Variants in ZNF804B observed in about 807,000 individuals in gnomAD.
ZNF804B encodes the protein zinc finger 804B.
Under a neutral mutation model 101.4 loss-of-function variants are expected in ZNF804B, and 80 were observed. That is an observed-to-expected ratio of 0.79 (90% CI 0.66 to 0.95). The LOEUF (loss-of-function observed/expected upper bound fraction) is 0.95. ZNF804B is among the 40% of genes least tolerant of loss of function. ZNF804B has a pLI of 0.00. For synonymous variants in ZNF804B, 622 were observed against 558.8 expected (o/e 1.11, Z -1.59); for missense variants, 1,673 against 1,561.9 (o/e 1.07, Z -1.20).
intron 1 of ZNF804B, among the ~76,000 whole-genome samples, chr7:89,143,169 G>T (rs181538129): frequency 6.6e-6 from 1 of 151,994 alleles, no homozygotes; most frequent in African/African-American, 2.4e-5. Flanking sequence ...CCAAGTTGGA[G>T]GGTGGGGGGG....
chr7:88,984,668 T>G (rs893653150), intron 1 of ZNF804B, among the ~76,000 whole-genome samples: 4 of 152,068 alleles, frequency 2.6e-5, no homozygotes, highest in Non-Finnish European at 4.4e-5. Context: ...ACATTCCAAG[T>G]TAGCTCTCCA....
At chr7:89,186,958 CT>C (rs1562909072) in intron 1 of ZNF804B, among the ~76,000 whole-genome samples, 1 of 152,144 alleles carries the variant, frequency 6.6e-6, no homozygotes. Context: ...AGGCAAACCA[CT>C]TTTCTAGCCC....
intron 1 of ZNF804B, among the ~76,000 whole-genome samples, chr7:88,853,957 A>C (rs1382200284): frequency 6.6e-6 from 1 of 152,170 alleles, no homozygotes; most frequent in Non-Finnish European, 1.5e-5. Context: ...AATTAGATTT[A>C]GCACATTGTT....
chr7:89,277,131 A>G (rs1271455712), intron 2 of ZNF804B, among the ~76,000 whole-genome samples: 2 of 148,342 alleles, frequency 1.3e-5, no homozygotes, highest in Admixed American at 6.7e-5. Context: ...ATACAAAAAT[A>G]TAAAATATAT....
intron 2 of ZNF804B, among the ~76,000 whole-genome samples, chr7:89,316,722 T>G (rs1259678702): frequency 6.6e-6 from 1 of 152,166 alleles, no homozygotes; most frequent in Non-Finnish European, 1.5e-5. Context: ...GATGGACTAG[T>G]TGAGAAGAAA....
chr7:89,312,966 T>C (rs1299390539), intron 2 of ZNF804B, among the ~76,000 whole-genome samples: 1 of 152,230 alleles, frequency 6.6e-6, no homozygotes, highest in African/African-American at 2.4e-5. Flanking sequence ...AATTACAACT[T>C]ATCCTGTTCT....
chr7:88,936,197 G>A (rs532577398), intron 1 of ZNF804B, among the ~76,000 whole-genome samples: 2 of 151,714 alleles, frequency 1.3e-5, no homozygotes, highest in Admixed American at 1.3e-4. Context: ...AAAGTTAAAA[G>A]CAATGATGTT....
intron 1 of ZNF804B, among the ~76,000 whole-genome samples, chr7:89,040,428 T>C (rs997046896): frequency 1.3e-4 from 20 of 152,270 alleles, no homozygotes; most frequent in African/African-American, 3.4e-4. Context: ...GTTTAATTAT[T>C]GTGTTATTCA....
At chr7:88,857,275 C>A (rs1435902005) in intron 1 of ZNF804B, among the ~76,000 whole-genome samples, 3 of 151,990 alleles carry the variant, frequency 2.0e-5, no homozygotes, top group African/African-American at 4.8e-5. Context: ...GCAGAACTGA[C>A]AGAAATAGAG....
At chr7:88,874,828 C>G (rs925562601) in intron 1 of ZNF804B, among the ~76,000 whole-genome samples, 1 of 151,092 alleles carries the variant, frequency 6.6e-6, no homozygotes, top group Non-Finnish European at 1.5e-5. Context: ...ATCTACAGAA[C>G]TCCCCACCCC....
Position 89,335,391 on chromosome 7 carries a change from C to T in ZNF804B, c.2409C>T (p.His803=), listed in dbSNP as rs751152942. The change falls in exon 4 of 4, where the codon CAC becomes CAT. Residue 803 remains histidine (H), a synonymous_variant. Coordinates refer to ENST00000333190, the MANE Select transcript of ZNF804B (RefSeq NM_181646.5). ...NEKYSKRRYC[H]CRERQKLGKN... ...AATACTCAAAACGTAGATATTGTCA[C>T]TGCAGAGAAAGACAAAAACTGGGCA... 2 of 1,613,762 alleles carry T rather than the reference C, an allele frequency of 1.2e-6. No individual in the cohort carries two copies. Among genetic ancestry groups the T allele is most frequent in the South Asian group, 1.1e-5 (1 of 91,078 alleles).
intron 1 of ZNF804B, among the ~76,000 whole-genome samples, chr7:89,155,060 T>G (rs1790936833): frequency 6.6e-6 from 1 of 152,150 alleles, no homozygotes. Flanking sequence ...TTAAAAAATA[T>G]TCTATTTAAA....
chr7:88,973,614 C>A (rs1254686822), intron 1 of ZNF804B, among the ~76,000 whole-genome samples: 2 of 150,866 alleles, frequency 1.3e-5, no homozygotes, highest in Admixed American at 6.6e-5. Context: ...ATGCCATTAG[C>A]AAGAGATTGA....
intron 1 of ZNF804B, among the ~76,000 whole-genome samples, chr7:88,918,779 G>A (rs1320141628): frequency 6.6e-6 from 1 of 151,980 alleles, no homozygotes; most frequent in African/African-American, 2.4e-5. Flanking sequence ...GGGGTGAGGG[G>A]GACGATAGAT....
At chr7:88,916,849 G>T (rs1342441700) in intron 1 of ZNF804B, among the ~76,000 whole-genome samples, 1 of 152,050 alleles carries the variant, frequency 6.6e-6, no homozygotes, top group African/African-American at 2.4e-5. Flanking sequence ...TTTGTCTTAA[G>T]GTTATATATG....
At position 88,760,073 on chromosome 7, in the gene ZNF804B, TCTC is replaced by T. The variant is rs1303939939; in HGVS notation, c.99_101del (p.Pro34del). On this transcript the variant is annotated inframe_deletion, in exon 1 of 4. Coordinates refer to ENST00000333190, the MANE Select transcript of ZNF804B (RefSeq NM_181646.5). Reference sequence around the variant, plus strand: ...CAGGGGACCCCTGTGCAAGAACGGATCTCCCTCTCCGGTAATGTGCGCGCGCAC... The same window carrying T: ...CAGGGGACCCCTGTGCAAGAACGGATCCTCTCCGGTAATGTGCGCGCGCAC... 1 of 1,613,910 alleles carries T rather than the reference TCTC, an allele frequency of 6.2e-7. No individual in the cohort carries two copies. Among genetic ancestry groups the T allele is most frequent in the South Asian group, 1.1e-5 (1 of 91,062 alleles).
chr7:88,944,901 A>G (rs1174929043), intron 1 of ZNF804B, among the ~76,000 whole-genome samples: 3 of 151,828 alleles, frequency 2.0e-5, no homozygotes, highest in Admixed American at 6.6e-5. Flanking sequence ...CCTTTGGGCT[A>G]TGTGTGTAAT....
intron 1 of ZNF804B, among the ~76,000 whole-genome samples, chr7:88,855,580 T>G (rs1791542459): frequency 6.6e-6 from 1 of 152,210 alleles, no homozygotes; most frequent in Middle Eastern, 3.2e-3. Context: ...TGGTAGTTTC[T>G]TTTGCTGTGC....
At chr7:88,962,894 A>G (rs1053233130) in intron 1 of ZNF804B, among the ~76,000 whole-genome samples, 4 of 150,604 alleles carry the variant, frequency 2.7e-5, no homozygotes, top group Non-Finnish European at 5.9e-5. Flanking sequence ...CAGTAGGTAC[A>G]GCCACTTTTA....
Sources: allele counts gnomAD v4.1 joint callset (sites outside exome capture counted in the v4.1 genomes callset), GRCh38; gene constraint gnomAD v4.1.1; transcripts MANE v1.5; gene names NCBI Gene and HGNC (gene_info 2026-07-23, HGNC 2026-07-21).